WDFY3: variants seen among roughly 807,000 people sequenced by gnomAD.
WDFY3 encodes WD repeat and FYVE domain containing 3.
In WDFY3, 66 loss-of-function variants were observed where a neutral mutation model predicts 409.6. That is an observed-to-expected ratio of 0.16 (90% CI 0.13 to 0.20). The LOEUF is 0.20. WDFY3 is among the 10% of genes least tolerant of loss of function. The probability of loss-of-function intolerance (pLI) is 1.00; values close to 1 mark genes in which losing one functional copy is unlikely to be tolerated. For synonymous variants in WDFY3, 1,521 were observed against 1,537.1 expected, an observed-to-expected ratio of 0.99 and a Z score of 0.25; for missense variants, 3,031 against 4,298.1, an observed-to-expected ratio of 0.71 and a Z score of 8.24.
chr4:84,821,065 A>G lies in WDFY3; in HGVS notation c.1591+19T>C, dbSNP rs1753987428. The G allele has an allele frequency of 6.4e-7, 1 of 1,552,608 alleles. No homozygotes were observed. The highest frequency in any genetic ancestry group is 1.4e-5 in the African/African-American group (1 of 72,208). ...GAACCCCTTTTCAAATAAAAATAAA[A>G]TTACAGACAATACTTTACCTTGTTC... On this transcript the variant is annotated intron_variant, in intron 11 of 67. Coordinates refer to ENST00000295888, the MANE Select transcript of WDFY3 (RefSeq NM_014991.6).
chr4:84,775,843 GTCAACTAGAACTCTATTCCAT>G, intron 27 of WDFY3, among the ~76,000 whole-genome samples: 1 of 151,830 alleles, frequency 6.6e-6, no homozygotes, highest in Non-Finnish European at 1.5e-5. Flanking sequence ...AATAAAAACA[GTCAACTAGAACTCTATTCCAT>G]GCAAAAATGT....
chr4:84,720,392 G>A (rs1001828872), intron 47 of WDFY3, among the ~76,000 whole-genome samples: 3 of 152,150 alleles, frequency 2.0e-5, no homozygotes, highest in Admixed American at 6.6e-5. Context: ...GGTTATGCAA[G>A]TAAAAGGAAG....
At chr4:84,907,935 A>C (rs1240150897) in intron 2 of WDFY3, among the ~76,000 whole-genome samples, 1 of 152,156 alleles carries the variant, frequency 6.6e-6, no homozygotes, top group African/African-American at 2.4e-5. Context: ...GAAGAGGAAG[A>C]GGAGGAGGAG....
chr4:84,775,217 A>T (rs986314297), intron 27 of WDFY3, 79 bp from the exon 28 acceptor site: 75 of 1,137,298 alleles, frequency 6.6e-5, no homozygotes, highest in Non-Finnish European at 9.2e-5. Context: ...CCAATACAGC[A>T]CATGGAACTT....
intron 15 of WDFY3, among the ~76,000 whole-genome samples, 199 bp from the exon 16 acceptor site, chr4:84,803,666 T>C (rs368645259): frequency 2.1e-4 from 32 of 152,132 alleles, no homozygotes; most frequent in African/African-American, 6.0e-4. Flanking sequence ...GTGCAGACCA[T>C]GTAACTATCC....
chr4:84,896,651 T>C (rs1052908786), intron 3 of WDFY3, among the ~76,000 whole-genome samples: 22 of 152,230 alleles, frequency 1.4e-4, no homozygotes, highest in Non-Finnish European at 2.8e-4. Context: ...TTTTAAAATA[T>C]GTTAAATATG....
chr4:84,896,506 A>G (rs898399013), intron 3 of WDFY3, among the ~76,000 whole-genome samples: 2 of 152,092 alleles, frequency 1.3e-5, no homozygotes, highest in Non-Finnish European at 2.9e-5. Flanking sequence ...AGCCATTAAG[A>G]ATTTTTTTTG....
chr4:84,821,775 C>T (rs933297168), intron 10 of WDFY3, among the ~76,000 whole-genome samples: 1 of 152,036 alleles, frequency 6.6e-6, no homozygotes, highest in Non-Finnish European at 1.5e-5. Flanking sequence ...TATTTCAATT[C>T]AAAAATAGTG....
chr4:84,702,547 C>T, intron 55 of WDFY3, 41 bp from the exon 56 acceptor site: 1 of 1,493,992 alleles, frequency 6.7e-7, no homozygotes, highest in Non-Finnish European at 8.9e-7. Context: ...GAGAACCGTT[C>T]CCACCTGACA....
In WDFY3 at chr4:84,693,040, G is replaced by A. The variant is rs753654366; in HGVS notation, c.8902-8C>T. The A allele has an allele frequency of 6.2e-6, 10 of 1,609,358 alleles. No individual in the cohort carries two copies. Among genetic ancestry groups the A allele is most frequent in the Non-Finnish European group, 8.5e-6 (10 of 1,178,964 alleles). ...ATGAGGTTTTTTAAATAACTGGTAT[G>A]AAAGAAGATGACTCACTTTATAATG... On this transcript the variant is annotated splice_region_variant and splice_polypyrimidine_tract_variant and intron_variant, in intron 58 of 67. Coordinates refer to ENST00000295888, the MANE Select transcript of WDFY3 (RefSeq NM_014991.6).
chr4:84,829,774 T>C (rs1437978392), intron 8 of WDFY3, among the ~76,000 whole-genome samples: 1 of 149,814 alleles, frequency 6.7e-6, no homozygotes, highest in Non-Finnish European at 1.5e-5. Context: ...GCCACTGCAC[T>C]GCACTACAAC....
intron 3 of WDFY3, among the ~76,000 whole-genome samples, chr4:84,888,525 A>ATAT (rs1478091814): frequency 1.3e-5 from 2 of 152,200 alleles, no homozygotes; most frequent in African/African-American, 4.8e-5. Context: ...ATATACTTTC[A>ATAT]TATTATTTTC....
intron 51 of WDFY3, among the ~76,000 whole-genome samples, chr4:84,709,901 AT>A (rs1732601948): frequency 6.6e-6 from 1 of 152,006 alleles, no homozygotes; most frequent in Non-Finnish European, 1.5e-5. Context: ...TAATTTTTGT[AT>A]TTTTAGTAGA....
At position 84,772,826 on chromosome 4, in the gene WDFY3, T is replaced by C. The variant is rs1744899132; in HGVS notation, c.4849+9A>G. The C allele has an allele frequency of 1.2e-6, 2 of 1,605,812 alleles. No homozygotes were observed. Among genetic ancestry groups the C allele is most frequent in the Admixed American group, 1.7e-5 (1 of 58,814 alleles). Reference sequence around the variant, plus strand: ...CCACTATCTTCTCCAAGCTCCAGAATCAACTTACCAGTGTCAAGCTTCTCT... The same window carrying C: ...CCACTATCTTCTCCAAGCTCCAGAACCAACTTACCAGTGTCAAGCTTCTCT... On this transcript the variant is annotated intron_variant, in intron 30 of 67. Transcript: ENST00000295888.
At chr4:84,947,707 T>C (rs1773068629) in intron 1 of WDFY3, among the ~76,000 whole-genome samples, 1 of 93,010 alleles carries the variant, frequency 1.1e-5, no homozygotes, top group Admixed American at 1.3e-4. Context: ...ACCCCACATC[T>C]ACCAAAAAAA....
chr4:84,850,063 C>T (rs748519053), intron 4 of WDFY3, 38 bp from the exon 5 acceptor site: 4 of 1,534,876 alleles, frequency 2.6e-6, no homozygotes, highest in Non-Finnish European at 1.7e-6. Context: ...GAAGCACTGA[C>T]AAATTTTTCT....
chr4:84,782,554 C>G (rs759683101), intron 25 of WDFY3, among the ~76,000 whole-genome samples: 7 of 152,172 alleles, frequency 4.6e-5, no homozygotes, highest in African/African-American at 1.7e-4. Context: ...CTTCCCCTGA[C>G]AGGCCCTGGT....
intron 4 of WDFY3, among the ~76,000 whole-genome samples, chr4:84,853,579 T>C (rs989451422): frequency 2.0e-5 from 3 of 152,238 alleles, no homozygotes; most frequent in Non-Finnish European, 1.5e-5. Flanking sequence ...TTATTGCTAA[T>C]AGTTATTAGG....
chr4:84,854,639 G>A (rs1759492680), intron 4 of WDFY3, among the ~76,000 whole-genome samples: 2 of 152,170 alleles, frequency 1.3e-5, no homozygotes, highest in Admixed American at 6.5e-5. Context: ...GCCAGGTATG[G>A]TGGCTCATGC....
Sources: gnomAD v4.1 joint callset for allele counts (sites outside exome capture counted in the v4.1 genomes callset) on GRCh38, gnomAD v4.1.1 for gene constraint, MANE v1.5 for transcripts, NCBI Gene and HGNC (gene_info 2026-07-23, HGNC 2026-07-21) for gene names.